Variants in R3HDM2 observed in about 807,000 individuals in gnomAD.
R3HDM2 encodes the protein R3H domain-containing protein 2.
A neutral mutation model predicts 124.5 loss-of-function variants in R3HDM2; 38 were observed. The ratio of observed to expected loss-of-function variants is 0.31; its 90% confidence interval spans 0.24 to 0.40. The LOEUF (loss-of-function observed/expected upper bound fraction) is 0.40, where lower values mean the gene tolerates loss of function less well. Ranked by LOEUF, R3HDM2 falls within the 10% of genes least tolerant of loss-of-function variation. The pLI is 1.00. For synonymous variants in R3HDM2, 391 were observed against 448.0 expected (o/e 0.87, Z 1.61); for missense variants, 869 against 1,236.9 (o/e 0.70, Z 4.46).
At chr12:57,287,470 C>A (rs1360721246) in intron 12 of R3HDM2, among the ~76,000 whole-genome samples, 1 of 152,044 alleles carries the variant, frequency 6.6e-6, no homozygotes, top group African/African-American at 2.4e-5. Flanking sequence ...AACCACAGGG[C>A]AGGACAGCCT....
intron 2 of R3HDM2, among the ~76,000 whole-genome samples, chr12:57,311,848 A>G (rs11172155): frequency 0.23 from 35,422 of 152,098 alleles, 4,546 homozygotes; most frequent in South Asian, 0.43. Context: ...TACTGCAGGG[A>G]TGGCTGCTTC....
chr12:57,346,098 A>T (rs1458820976), intron 2 of R3HDM2, among the ~76,000 whole-genome samples: 1 of 149,616 alleles, frequency 6.7e-6, no homozygotes, highest in Non-Finnish European at 1.5e-5. Context: ...TAGAGGTTGC[A>T]GTGAGCCAAG....
chr12:57,314,754 T>C (rs181516247), intron 2 of R3HDM2, among the ~76,000 whole-genome samples: 11 of 152,298 alleles, frequency 7.2e-5, no homozygotes, highest in Non-Finnish European at 1.6e-4. Context: ...GTTTACATCT[T>C]TTATCACATG....
chr12:57,393,888 G>T (rs1319633673), intron 2 of R3HDM2, among the ~76,000 whole-genome samples: 3 of 152,310 alleles, frequency 2.0e-5, no homozygotes, highest in African/African-American at 7.2e-5. Context: ...CTAAAATAAT[G>T]TAAACCAAAC....
chr12:57,274,761 G>A (rs1214524239), intron 14 of R3HDM2, among the ~76,000 whole-genome samples: 1 of 152,078 alleles, frequency 6.6e-6, no homozygotes, highest in African/African-American at 2.4e-5. Context: ...ACCTAACCAA[G>A]GAGTTGAAAG....
chr12:57,413,767 A>C (rs1312220956), intron 1 of R3HDM2, among the ~76,000 whole-genome samples: 2 of 151,980 alleles, frequency 1.3e-5, no homozygotes, highest in South Asian at 4.2e-4. Flanking sequence ...AACAACAAAA[A>C]AAACAAACTC....
intron 1 of R3HDM2, among the ~76,000 whole-genome samples, chr12:57,427,327 T>C (rs946693229): frequency 3.0e-5 from 4 of 134,782 alleles, no homozygotes; most frequent in Non-Finnish European, 4.7e-5. Flanking sequence ...ATAAAATAAA[T>C]AAAACAAAAA....
intron 14 of R3HDM2, 139 bp downstream of exon 14, chr12:57,280,219 A>C (rs2045811768): frequency 1.1e-6 from 1 of 947,348 alleles, no homozygotes; most frequent in East Asian, 2.8e-5. Flanking sequence ...TACAACTAAC[A>C]AATGAGAAAT....
chr12:57,309,351 A>G (rs1288294682), intron 3 of R3HDM2, among the ~76,000 whole-genome samples: 2 of 152,236 alleles, frequency 1.3e-5, no homozygotes, highest in African/African-American at 2.4e-5. Flanking sequence ...AGCAGTGACC[A>G]CAGAATAAGG....
At chr12:57,319,135 C>A (rs1334680561) in intron 2 of R3HDM2, among the ~76,000 whole-genome samples, 1 of 152,102 alleles carries the variant, frequency 6.6e-6, no homozygotes, top group African/African-American at 2.4e-5. Context: ...CTCTATTGCC[C>A]AGGCTGGAGT....
In R3HDM2 at chr12:57,276,885, T is replaced by C. The variant is rs187562077; in HGVS notation, c.1344+3473A>G. Among the ~76,000 whole-genome samples, 501 of 149,618 alleles carry C rather than the reference T, an allele frequency of 3.3e-3. 9 individuals are homozygous for C. The highest frequency in any genetic ancestry group is 0.03 in the Admixed American group (450 of 15,030). ...CTGGGTGACAGAGCGAGACTCCATC[T>C]CAAAAGAAAAAAAAAAAGAATGATA... On this transcript the variant is annotated intron_variant, in intron 14 of 23. Coordinates refer to ENST00000402412, the MANE Select transcript of R3HDM2 (RefSeq NM_001394031.1).
chr12:57,321,082 A>T lies in R3HDM2; in HGVS notation c.-35-10619T>A, dbSNP rs186044480. Among the ~76,000 whole-genome samples the T allele has an allele frequency of 2.1e-4, 32 of 152,316 alleles. No homozygotes were observed. The East Asian group carries it at 6.0e-3, about 28-fold the overall frequency. On this transcript the variant is annotated intron_variant, in intron 2 of 23. Coordinates refer to ENST00000402412, the MANE Select transcript of R3HDM2 (RefSeq NM_001394031.1). The stretch of plus-strand genomic sequence containing the variant: ...CAAATGTAATATTATTTAATAATAA[A>T]AAAGACTGAACTATAGGCTGAGCAT...
chr12:57,424,425 G>A (rs1394783882), intron 1 of R3HDM2, among the ~76,000 whole-genome samples: 1 of 152,136 alleles, frequency 6.6e-6, no homozygotes, highest in South Asian at 2.1e-4. Flanking sequence ...GCCTCCCAAA[G>A]TGCTGGAATT....
rs1286525834 is a variant in R3HDM2, at chr12:57,296,134, C to T, written c.701+277G>A. Among the ~76,000 whole-genome samples the T allele has an allele frequency of 6.6e-6, 1 of 152,132 alleles. No homozygotes were observed. The highest frequency in any genetic ancestry group is 1.9e-4 in the East Asian group (1 of 5,202). On this transcript the variant is annotated intron_variant, in intron 9 of 23. Transcript: ENST00000402412. This position sits in a 1 kb window ranked among gnomAD's most constrained non-coding sequence, Gnocchi z 4.5. ...CCACCCGCCTCGGCCTCCCAAAGTG[C>T]TGGGATTACAGGCGTCAGCCACTGC... is the stretch of plus-strand genomic sequence containing the variant.
intron 2 of R3HDM2, among the ~76,000 whole-genome samples, chr12:57,353,925 G>T (rs996315655): frequency 6.6e-6 from 1 of 151,108 alleles, no homozygotes. Flanking sequence ...GTGCAATCTC[G>T]GCTTACTGTA....
intron 1 of R3HDM2, among the ~76,000 whole-genome samples, chr12:57,410,248 T>C (rs1486019915): frequency 6.6e-6 from 1 of 151,510 alleles, no homozygotes; most frequent in Non-Finnish European, 1.5e-5. Flanking sequence ...CTGCCATTTC[T>C]TGTGTTGAGG....
At chr12:57,303,411 G>A (rs1235723685) in intron 3 of R3HDM2, among the ~76,000 whole-genome samples, 194 bp from the exon 4 acceptor site, 1 of 152,088 alleles carries the variant, frequency 6.6e-6, no homozygotes. Context: ...AGGGACTACA[G>A]GCCAATACAG....
chr12:57,338,456 C>A (rs1011946868), intron 2 of R3HDM2, among the ~76,000 whole-genome samples: 4 of 152,206 alleles, frequency 2.6e-5, no homozygotes, highest in African/African-American at 9.7e-5. Context: ...CATATTAGTA[C>A]AGAATTTGTA....
chr12:57,407,022 G>A (rs2068582382), intron 1 of R3HDM2, among the ~76,000 whole-genome samples: 1 of 152,114 alleles, frequency 6.6e-6, no homozygotes, highest in Non-Finnish European at 1.5e-5. Context: ...GCCAAGGCGG[G>A]CGGATTGCTT....
Sources: gnomAD v4.1 joint callset for allele counts (sites outside exome capture counted in the v4.1 genomes callset) on GRCh38, gnomAD v4.1.1 for gene constraint, Gnocchi (gnomAD v3.1) non-coding constraint, MANE v1.5 for transcripts, NCBI Gene and HGNC (gene_info 2026-07-23, HGNC 2026-07-21) for gene names.